Variants in TMEFF2 observed in about 807,000 individuals in gnomAD.
TMEFF2 encodes the protein transmembrane protein with EGF like and two follistatin like domains 2.
In TMEFF2, 28 loss-of-function variants were observed where a neutral mutation model predicts 53.8. The ratio of observed to expected loss-of-function variants is 0.52; its 90% CI spans 0.39 to 0.71. TMEFF2 has a LOEUF of 0.71. Among genes scored for constraint, TMEFF2 ranks in the 30% least tolerant of loss-of-function variants. The pLI is 0.00. For synonymous variants in TMEFF2, 162 were observed against 166.3 expected, an observed-to-expected ratio of 0.97 and a Z score of 0.20; for missense variants, 353 against 455.2, an observed-to-expected ratio of 0.78 and a Z score of 2.04.
At chr2:192,108,265 T>C (rs1304067659) in intron 4 of TMEFF2, among the ~76,000 whole-genome samples, 1 of 151,872 alleles carries the variant, frequency 6.6e-6, no homozygotes, top group Non-Finnish European at 1.5e-5. Context: ...AAAAAGTAGC[T>C]AAATCAGAGT....
intron 5 of TMEFF2, among the ~76,000 whole-genome samples, chr2:192,000,715 A>G (rs1397602353): frequency 6.6e-6 from 1 of 152,206 alleles, no homozygotes; most frequent in Admixed American, 6.5e-5. Flanking sequence ...AGAATTACCT[A>G]GATTGCTGTT....
chr2:192,059,347 T>G (rs1260583726), intron 4 of TMEFF2, among the ~76,000 whole-genome samples: 1 of 152,068 alleles, frequency 6.6e-6, no homozygotes, highest in African/African-American at 2.4e-5. Context: ...TATCTTATTA[T>G]TCACTCTATT....
intron 4 of TMEFF2, among the ~76,000 whole-genome samples, chr2:192,127,299 A>C (rs1357110623): frequency 2.0e-5 from 3 of 152,220 alleles, no homozygotes; most frequent in African/African-American, 4.8e-5. Context: ...AATATTGACT[A>C]ATAATAGAGC....
chr2:192,151,037 C>T (rs961140645), intron 4 of TMEFF2, among the ~76,000 whole-genome samples: 8 of 151,692 alleles, frequency 5.3e-5, no homozygotes, highest in African/African-American at 1.9e-4. Flanking sequence ...GGGCATTTTC[C>T]CCCATGCTGT....
chr2:191,964,350 T>TTCTTTC (rs1553507921), intron 7 of TMEFF2, among the ~76,000 whole-genome samples: 1 of 104,340 alleles, frequency 9.6e-6, no homozygotes, highest in African/African-American at 4.4e-5. Flanking sequence ...CTTTCTTTCT[T>TTCTTTC]TCTTTCTTTC....
At chr2:192,171,291 A>G (rs933347159) in intron 4 of TMEFF2, among the ~76,000 whole-genome samples, 1 of 152,104 alleles carries the variant, frequency 6.6e-6, no homozygotes, top group African/African-American at 2.4e-5. Flanking sequence ...TCTAAAATAG[A>G]CAAGAGATAC....
chr2:192,151,539 TTTTG>T (rs1360462475), intron 4 of TMEFF2, among the ~76,000 whole-genome samples: 12 of 151,880 alleles, frequency 7.9e-5, no homozygotes, highest in Admixed American at 2.0e-4. Flanking sequence ...ACGAGTTTGC[TTTTG>T]TTTGTTTATT....
intron 7 of TMEFF2, among the ~76,000 whole-genome samples, chr2:191,970,642 T>C (rs1692611601): frequency 6.6e-6 from 1 of 152,136 alleles, no homozygotes; most frequent in Admixed American, 6.5e-5. Context: ...AGATAATAAA[T>C]TTCTGTAGTT....
intron 8 of TMEFF2, among the ~76,000 whole-genome samples, chr2:191,955,137 G>T (rs1692027563): frequency 8.5e-6 from 1 of 117,216 alleles, no homozygotes; most frequent in Non-Finnish European, 1.8e-5. Context: ...TAGGTGGGGG[G>T]CGGGGAGGGG....
At chr2:192,107,942 A>C (rs1200732066) in intron 4 of TMEFF2, among the ~76,000 whole-genome samples, 1 of 146,650 alleles carries the variant, frequency 6.8e-6, no homozygotes, top group Non-Finnish European at 1.5e-5. Flanking sequence ...AGATAGAAAC[A>C]ATATAACTGT....
rs758120610 is a variant in TMEFF2, at chr2:192,121,096, G to A, written c.439+58572C>T. 7.2e-4 allele frequency among the ~76,000 whole-genome samples: 102 copies of A among 141,854 alleles called. 1 individual carries two copies. The Middle Eastern group carries it at 0.018, about 25-fold the overall frequency. 93.1% of individuals were successfully genotyped at this position (141,854 alleles called of 152,430 possible). On this transcript the variant is annotated intron_variant, in intron 4 of 9. Transcript: ENST00000272771. ...AACTCTACTAAGTATCAGAGAAGAGGAAAAACAAAACAAAAGAAAACAAAA... is the reference window on the plus strand; with the variant it reads ...AACTCTACTAAGTATCAGAGAAGAGAAAAAACAAAACAAAAGAAAACAAAA...
intron 4 of TMEFF2, among the ~76,000 whole-genome samples, chr2:192,117,972 C>A (rs201747829): frequency 8.2e-6 from 1 of 122,550 alleles, no homozygotes; most frequent in Non-Finnish European, 1.6e-5. Context: ...GCTTTTCTTT[C>A]ATTGCTTTGT....
At chr2:191,981,208 T>G (rs554663923) in intron 7 of TMEFF2, among the ~76,000 whole-genome samples, 53 of 152,302 alleles carry the variant, frequency 3.5e-4, no homozygotes, top group Non-Finnish European at 6.5e-4. Flanking sequence ...ACTACTACTC[T>G]CACTTAGCTC....
intron 5 of TMEFF2, 59 bp downstream of exon 5, chr2:192,057,620 T>G: frequency 3.5e-6 from 5 of 1,411,388 alleles, no homozygotes; most frequent in Non-Finnish European, 4.0e-6. Flanking sequence ...GTTGATGGTG[T>G]TAAAAAGAAA....
intron 5 of TMEFF2, among the ~76,000 whole-genome samples, chr2:192,019,276 A>T (rs1686809753): frequency 6.6e-6 from 1 of 151,948 alleles, no homozygotes; most frequent in African/African-American, 2.4e-5. Context: ...GTAATAAATT[A>T]CTCAATACAT....
intron 4 of TMEFF2, among the ~76,000 whole-genome samples, chr2:192,154,661 T>C (rs921537275): frequency 1.3e-5 from 2 of 152,006 alleles, no homozygotes; most frequent in African/African-American, 4.8e-5. Context: ...ATAATGCTTA[T>C]AGCAGGTACG....
intron 4 of TMEFF2, among the ~76,000 whole-genome samples, chr2:192,143,607 G>T (rs968865300): frequency 5.9e-5 from 9 of 151,972 alleles, no homozygotes; most frequent in Non-Finnish European, 1.2e-4. Context: ...ATCATGGATG[G>T]CTAGACAGTC....
intron 4 of TMEFF2, among the ~76,000 whole-genome samples, chr2:192,132,932 A>G (rs1369723633): frequency 2.0e-5 from 3 of 152,118 alleles, no homozygotes; most frequent in African/African-American, 2.4e-5. Flanking sequence ...GACCATCACA[A>G]ACGCCAAGCT....
In TMEFF2 at chr2:192,119,002, A is replaced by G. The variant is rs139406201; in HGVS notation, c.439+60666T>C. Among the ~76,000 whole-genome samples, 1,207 of 152,292 alleles carry G rather than the reference A, an allele frequency of 7.9e-3. 14 individuals are homozygous for G. The highest frequency in any genetic ancestry group is 0.028 in the African/African-American group (1,153 of 41,560). On this transcript the variant is annotated intron_variant, in intron 4 of 9. Coordinates refer to ENST00000272771, the MANE Select transcript of TMEFF2 (RefSeq NM_016192.4). ...TACTTTATTCTCAGAGCTTATAAAT[A>G]TACCTTTAATAAATACATATTTATT...
Sources: allele counts gnomAD v4.1 joint callset (sites outside exome capture counted in the v4.1 genomes callset), GRCh38; gene constraint gnomAD v4.1.1; transcripts MANE v1.5; gene names NCBI Gene and HGNC (gene_info 2026-07-23, HGNC 2026-07-21).